NKAIN2: variants seen among roughly 807,000 people sequenced by gnomAD.
NKAIN2 encodes the protein sodium/potassium-transporting ATPase subunit beta-1-interacting protein 2.
In NKAIN2, 14 loss-of-function variants were observed where a neutral mutation model predicts 32.6. The ratio of observed to expected loss-of-function variants is 0.43; its 90% CI spans 0.28 to 0.67. The LOEUF is 0.67. Among genes scored for constraint, NKAIN2 ranks in the 30% least tolerant of loss-of-function variants. The probability of loss-of-function intolerance (pLI) is 0.17; values close to 1 mark genes in which losing one functional copy is unlikely to be tolerated. For missense variants in NKAIN2, 198 were observed against 258.3 expected (o/e 0.77, Z 1.60); for synonymous variants, 80 against 87.2 (o/e 0.92, Z 0.46).
chr6:124,218,089 TAA>T (rs879634146), intron 1 of NKAIN2, among the ~76,000 whole-genome samples: 3 of 142,304 alleles, frequency 2.1e-5, no homozygotes, highest in Non-Finnish European at 3.1e-5. Flanking sequence ...AAGTGTATGT[TAA>T]AAAAAAAAAA....
intron 1 of NKAIN2, among the ~76,000 whole-genome samples, chr6:123,863,527 C>T (rs1775869352): frequency 6.6e-6 from 1 of 152,142 alleles, no homozygotes; most frequent in African/African-American, 2.4e-5. Context: ...TCCATCGGAT[C>T]ATTACTTAAG....
At chr6:124,034,712 G>T (rs761390998) in intron 1 of NKAIN2, among the ~76,000 whole-genome samples, 1 of 152,044 alleles carries the variant, frequency 6.6e-6, no homozygotes, top group Non-Finnish European at 1.5e-5. Flanking sequence ...TTCCAAAGGA[G>T]TTGAACTAAT....
chr6:124,719,885 A>T (rs954876473), intron 4 of NKAIN2, among the ~76,000 whole-genome samples: 15 of 152,128 alleles, frequency 9.9e-5, no homozygotes, highest in African/African-American at 3.6e-4. Context: ...TGTATAATTG[A>T]ATTTGTCAGT....
chr6:123,805,589 CAAT>C (rs1475994156), intron 1 of NKAIN2, among the ~76,000 whole-genome samples: 2 of 152,198 alleles, frequency 1.3e-5, no homozygotes, highest in South Asian at 2.1e-4. Flanking sequence ...GGTAGTTTCT[CAAT>C]GATGTGTAAA....
chr6:124,010,658 G>A (rs982173747), intron 1 of NKAIN2, among the ~76,000 whole-genome samples: 2 of 151,796 alleles, frequency 1.3e-5, no homozygotes, highest in Non-Finnish European at 2.9e-5. Flanking sequence ...AGAGATAATA[G>A]TAGTTTGTAT....
At chr6:124,114,246 A>G (rs779055039) in intron 1 of NKAIN2, among the ~76,000 whole-genome samples, 19 of 152,034 alleles carry the variant, frequency 1.2e-4, no homozygotes, top group Non-Finnish European at 2.5e-4. Flanking sequence ...TTTATTTTTT[A>G]TGGACATTGA....
At chr6:124,646,171 A>T (rs1246602419) in intron 3 of NKAIN2, among the ~76,000 whole-genome samples, 2 of 152,190 alleles carry the variant, frequency 1.3e-5, no homozygotes, top group Non-Finnish European at 2.9e-5. Flanking sequence ...GCAATGTAGA[A>T]AATATAATTT....
intron 3 of NKAIN2, among the ~76,000 whole-genome samples, chr6:124,533,471 CAAAAA>C (rs201100605): frequency 0.037 from 2,194 of 58,996 alleles, 212 homozygotes; most frequent in East Asian, 0.32. Context: ...GACTCTGTCT[CAAAAA>C]AAAAAAAAAA....
chr6:124,467,781 G>C (rs1776822341), intron 3 of NKAIN2, among the ~76,000 whole-genome samples: 1 of 152,022 alleles, frequency 6.6e-6, no homozygotes, highest in Admixed American at 6.6e-5. Context: ...AATATTTCAT[G>C]TTTTATTCAT....
At chr6:123,986,533 G>A (rs1313093801) in intron 1 of NKAIN2, among the ~76,000 whole-genome samples, 1 of 151,988 alleles carries the variant, frequency 6.6e-6, no homozygotes, top group East Asian at 1.9e-4. Context: ...CCTTCCAAAG[G>A]TATGAGCCGA....
chr6:124,140,276 A>G (rs994063133), intron 1 of NKAIN2, among the ~76,000 whole-genome samples: 2 of 152,358 alleles, frequency 1.3e-5, no homozygotes, highest in African/African-American at 4.8e-5. Flanking sequence ...AATATGTAAT[A>G]TGTAGATTGC....
At chr6:124,683,432 T>C (rs913774542) in intron 4 of NKAIN2, among the ~76,000 whole-genome samples, 1 of 152,158 alleles carries the variant, frequency 6.6e-6, no homozygotes, top group Non-Finnish European at 1.5e-5. Context: ...TGCCCACATG[T>C]CAAAATCTCC....
chr6:123,890,170 T>C (rs969561195), intron 1 of NKAIN2, among the ~76,000 whole-genome samples: 1 of 151,938 alleles, frequency 6.6e-6, no homozygotes, highest in Non-Finnish European at 1.5e-5. Flanking sequence ...ACTGGTGGAG[T>C]AGACTCCTTG....
intron 3 of NKAIN2, among the ~76,000 whole-genome samples, chr6:124,593,301 A>C (rs1781976438): frequency 6.6e-6 from 1 of 152,250 alleles, no homozygotes; most frequent in East Asian, 1.9e-4. Context: ...CATTCTTCTT[A>C]TTCTGCATTA....
chr6:124,238,479 G>A (rs919050196), intron 1 of NKAIN2, among the ~76,000 whole-genome samples: 1 of 151,956 alleles, frequency 6.6e-6, no homozygotes, highest in Non-Finnish European at 1.5e-5. Context: ...CATTCTTAGA[G>A]GCTAACATAT....
intron 3 of NKAIN2, among the ~76,000 whole-genome samples, chr6:124,372,144 A>G (rs746774266): frequency 1.3e-5 from 2 of 152,126 alleles, no homozygotes; most frequent in Non-Finnish European, 2.9e-5. Flanking sequence ...AGCTCTCATG[A>G]CAAAATACCA....
At chr6:123,811,412 G>T (rs1773459679) in intron 1 of NKAIN2, among the ~76,000 whole-genome samples, 1 of 71,624 alleles carries the variant, frequency 1.4e-5, no homozygotes, top group Non-Finnish European at 2.3e-5. Flanking sequence ...CAGCGCTGGG[G>T]TGGGGGTTGT....
chr6:124,090,459 C>T (rs1019674531), intron 1 of NKAIN2, among the ~76,000 whole-genome samples: 1 of 151,920 alleles, frequency 6.6e-6, no homozygotes, highest in Non-Finnish European at 1.5e-5. Flanking sequence ...CACCTCTTAT[C>T]TAAATTAGTA....
chr6:124,477,606 CTCT>C (rs936886654), intron 3 of NKAIN2, among the ~76,000 whole-genome samples: 4 of 151,582 alleles, frequency 2.6e-5, no homozygotes, highest in African/African-American at 9.7e-5. Context: ...CTGCCTTTCT[CTCT>C]TCTTCTTCCT....
Sources: gnomAD v4.1 joint callset for allele counts (sites outside exome capture counted in the v4.1 genomes callset) on GRCh38, gnomAD v4.1.1 for gene constraint, MANE v1.5 for transcripts, NCBI Gene and HGNC (gene_info 2026-07-23, HGNC 2026-07-21) for gene names.